The following DEAF1 variants were observed in gnomAD, a reference collection of about 807,000 sequenced individuals.
DEAF1 encodes the protein DEAF1 transcription factor.
A neutral mutation model predicts 58.9 loss-of-function variants in DEAF1; 53 were observed. The ratio of observed to expected loss-of-function variants is 0.90; its 90% confidence interval spans 0.72 to 1.13. The LOEUF (loss-of-function observed/expected upper bound fraction) is 1.13. DEAF1 is among the 50% of genes most tolerant of loss of function. DEAF1 has a pLI of 0.00. For missense variants in DEAF1, 685 were observed against 791.4 expected, an observed-to-expected ratio of 0.87 and a Z score of 1.61; for synonymous variants, 385 against 340.4, an observed-to-expected ratio of 1.13 and a Z score of -1.44.
At chr11:648,220 A>C (rs986099645) in intron 11 of DEAF1, among the ~76,000 whole-genome samples, 1 of 127,274 alleles carries the variant, frequency 7.9e-6, no homozygotes, top group Admixed American at 8.7e-5. Flanking sequence ...TTTGAGACGG[A>C]GTCTCCCTTT....
At chr11:695,256 G>A (rs913702390), upstream of DEAF1, 5 of 478,068 alleles carry the variant, frequency 1.0e-5, no homozygotes, top group Admixed American at 4.5e-5. Flanking sequence ...AACAGAGGCT[G>A]CCCGAGTAGG....
chr11:677,032 T>C (rs1860114457), intron 9 of DEAF1, among the ~76,000 whole-genome samples: 1 of 152,140 alleles, frequency 6.6e-6, no homozygotes, highest in South Asian at 2.1e-4. Flanking sequence ...GGGCAAGCGG[T>C]CGATGCGAAC....
chr11:693,960 C>T (rs1470888370), intron 1 of DEAF1, among the ~76,000 whole-genome samples: 3 of 151,906 alleles, frequency 2.0e-5, no homozygotes, highest in Non-Finnish European at 2.9e-5. Context: ...CAGGTGGCTC[C>T]GCAGCCCCCC....
chr11:682,099 G>A (rs145838523), intron 6 of DEAF1, among the ~76,000 whole-genome samples: 172 of 152,334 alleles, frequency 1.1e-3, no homozygotes, highest in Non-Finnish European at 2.0e-3. Flanking sequence ...GGGCGGCCTC[G>A]GCTGCTGCTC....
At chr11:703,537 C>T in intron 1 of DEAF1, 2 of 1,235,052 alleles carry the variant, frequency 1.6e-6, no homozygotes, top group Non-Finnish European at 2.0e-6. Context: ...ACTGCATCCC[C>T]CATCACCCCC....
In DEAF1 at chr11:674,612, T is replaced by C; in HGVS notation, c.1427A>G (p.Gln476Arg). 1 of 1,614,180 alleles carries C rather than the reference T, an allele frequency of 6.2e-7. No homozygotes were observed. The highest frequency in any genetic ancestry group is 8.5e-7 in the Non-Finnish European group (1 of 1,180,032). Residue 476 changes from glutamine (Q) to arginine (R), a missense_variant, in exon 10 of 12, where the codon CAA becomes CGA. Coordinates refer to ENST00000382409, the MANE Select transcript of DEAF1 (RefSeq NM_021008.4). ...TCGGTAGGTGCTGGCATGCTTGGCT[T>C]GCTCAAACAGCGTCTTCAGCTGCTG... ...TAQQLKTLFE[Q>R]AKHASTYREA...
At chr11:677,058 G>T (rs1860115553) in intron 9 of DEAF1, among the ~76,000 whole-genome samples, 1 of 151,948 alleles carries the variant, frequency 6.6e-6, no homozygotes, top group Non-Finnish European at 1.5e-5. Flanking sequence ...CCCTCCTGGA[G>T]AAAAAGCTCT....
intron 6 of DEAF1, among the ~76,000 whole-genome samples, 167 bp downstream of exon 6, chr11:684,731 A>T (rs1860515324): frequency 6.6e-6 from 1 of 152,134 alleles, no homozygotes; most frequent in Admixed American, 6.5e-5. Flanking sequence ...ATTCACTGTG[A>T]CGTATCAGGG....
intron 10 of DEAF1, among the ~76,000 whole-genome samples, chr11:656,088 C>A (rs571328311): frequency 6.6e-6 from 1 of 151,874 alleles, no homozygotes; most frequent in Admixed American, 6.6e-5. Context: ...CCTGAGTCGG[C>A]CCCCCAAAGT....
At position 667,437 on chromosome 11, in the gene DEAF1, AAGG is replaced by A. The variant is rs1162449882; in HGVS notation, c.1503+7096_1503+7098del. ...GAGGGAAGGAGGAAAAGAGGAAAGG[AAGG>A]AAGGAAGGAAGGAAGGCAGGTAGGC... On this transcript the variant is annotated intron_variant, in intron 10 of 11. Coordinates refer to ENST00000382409, the MANE Select transcript of DEAF1 (RefSeq NM_021008.4). Among the ~76,000 whole-genome samples the A allele has an allele frequency of 3.3e-4, 32 of 95,794 alleles. 1 individual carries two copies. The highest frequency in any genetic ancestry group is 7.1e-4 in the African/African-American group (8 of 11,292). 62.8% of individuals were successfully genotyped at this position (95,794 alleles called of 152,430 possible).
intron 2 of DEAF1, among the ~76,000 whole-genome samples, 191 bp downstream of exon 2, chr11:691,310 C>T (rs1860823534): frequency 6.6e-6 from 1 of 152,240 alleles, no homozygotes; most frequent in Non-Finnish European, 1.5e-5. Flanking sequence ...CAGCTTCTAC[C>T]TCAGCTGTAA....
At chr11:673,705 C>T (rs1395256866) in intron 10 of DEAF1, among the ~76,000 whole-genome samples, 1 of 152,118 alleles carries the variant, frequency 6.6e-6, no homozygotes, top group Non-Finnish European at 1.5e-5. Context: ...CTTCAGAGCT[C>T]CCCATCTGTG....
At chr11:669,664 T>C (rs1270811360) in intron 10 of DEAF1, among the ~76,000 whole-genome samples, 3 of 150,188 alleles carry the variant, frequency 2.0e-5, no homozygotes, top group East Asian at 2.0e-4. Flanking sequence ...GTGCGGTGGC[T>C]CATGCCTGTA....
At chr11:679,034 C>G (rs564080961) in intron 8 of DEAF1, among the ~76,000 whole-genome samples, 1 of 152,072 alleles carries the variant, frequency 6.6e-6, no homozygotes, top group Non-Finnish European at 1.5e-5. Flanking sequence ...AAAATCAGGC[C>G]GGGCGCGGTG....
At chr11:674,054 C>G in intron 10 of DEAF1, 1 of 259,716 alleles carries the variant, frequency 3.9e-6, no homozygotes, top group South Asian at 4.5e-5. Flanking sequence ...CCACCATGCA[C>G]AGGAGCCGCC....
intron 11 of DEAF1, among the ~76,000 whole-genome samples, chr11:653,449 A>C (rs1858886742): frequency 7.5e-6 from 1 of 132,942 alleles, no homozygotes; most frequent in African/African-American, 3.0e-5. Flanking sequence ...GTGGCTCTGC[A>C]GGGGTGTGGA....
intron 1 of DEAF1, chr11:700,538 AAAG>A: frequency 1.6e-6 from 2 of 1,231,460 alleles, no homozygotes; most frequent in Non-Finnish European, 2.4e-6. Context: ...AAAAAAAAAA[AAAG>A]GAAAAGGCAA....
chr11:699,008 A>AG (rs1156568765), upstream of DEAF1: 69 of 1,216,784 alleles, frequency 5.7e-5, no homozygotes, highest in Middle Eastern at 4.0e-4. Context: ...CACTTTGGAG[A>AG]GGGGGGTGTT....
chr11:688,386 A>T lies in DEAF1; in HGVS notation c.462T>A (p.Asp154Glu), dbSNP rs1860687620. The T allele has an allele frequency of 1.9e-6, 3 of 1,613,828 alleles. No homozygotes were observed. The highest frequency in any genetic ancestry group is 3.3e-5 in the Admixed American group (2 of 60,000). ...GCCCGGTGGTCTCCACGATGCTCCC[A>T]TCTGTGTGGACGACAATCAGTGTCG... is the stretch of plus-strand genomic sequence containing the variant. Reference protein sequence around the residue: ...EKATLIVVHTDGSIVETTGLK... With the variant: ...EKATLIVVHTEGSIVETTGLK... Residue 154 changes from aspartate (D) to glutamate (E), a missense_variant, in exon 3 of 12, where the codon GAT becomes GAA. By Grantham distance (45) the Asp-to-Glu change is conservative. Around this residue, in one of 3 missense-constraint regions of DEAF1, gnomAD observed 132 missense variants for 234.3 expected, o/e 0.56. Transcript: ENST00000382409. The surrounding 1 kb of genome is among the most constrained non-coding windows in gnomAD (Gnocchi z 4.3).
Sources: allele counts gnomAD v4.1 joint callset (sites outside exome capture counted in the v4.1 genomes callset), GRCh38; gene constraint gnomAD v4.1.1; regional missense constraint gnomAD v4.1.1; non-coding constraint Gnocchi (gnomAD v3.1); transcripts MANE v1.5; gene names NCBI Gene and HGNC (gene_info 2026-07-23, HGNC 2026-07-21).